The following ATP11B variants were observed in gnomAD, a reference collection of about 807,000 sequenced individuals.
ATP11B encodes the protein phospholipid-transporting ATPase IF.
In ATP11B, 81 loss-of-function variants were observed where a neutral mutation model predicts 157.8. The ratio of observed to expected loss-of-function variants is 0.51; its 90% CI spans 0.43 to 0.62. The LOEUF (loss-of-function observed/expected upper bound fraction) is 0.62, where lower values mean the gene tolerates loss of function less well. Among genes scored for constraint, ATP11B ranks in the 20% least tolerant of loss-of-function variants. ATP11B has a pLI of 0.00. For synonymous variants in ATP11B, 451 were observed against 469.4 expected (o/e 0.96, Z 0.51); for missense variants, 1,165 against 1,402.2 (o/e 0.83, Z 2.70).
rs11925959 is a variant in ATP11B, at chr3:182,914,004, C to A, written c.3452+10C>A. 402,046 of 1,613,454 alleles carry A rather than the reference C, an allele frequency of 0.25. 53,964 individuals are homozygous for A. The highest frequency in any genetic ancestry group is 0.56 in the East Asian group (25,194 of 44,846). On this transcript the variant is annotated intron_variant, in intron 29 of 29. Transcript: ENST00000323116. ...CAACCCACATCAGCAGGTGTGAAAT[C>A]TCTCTAAGTAGCCTTTGCTGCAGAT...
At chr3:182,871,884 C>T (rs1375553661) in intron 17 of ATP11B, among the ~76,000 whole-genome samples, 6 of 151,110 alleles carry the variant, frequency 4.0e-5, no homozygotes, top group African/African-American at 1.2e-4. Context: ...GATGCTATTT[C>T]GGCTCACTGC....
chr3:182,827,882 T>C (rs575316643), intron 2 of ATP11B, among the ~76,000 whole-genome samples: 1 of 152,040 alleles, frequency 6.6e-6, no homozygotes, highest in Admixed American at 6.6e-5. Flanking sequence ...TTGTTGGGTT[T>C]CAGCTTATTC....
intron 29 of ATP11B, 92 bp from the exon 30 acceptor site, chr3:182,917,931 T>C: frequency 6.6e-7 from 1 of 1,514,492 alleles, no homozygotes; most frequent in Admixed American, 2.0e-5. Context: ...CAATCAGTGA[T>C]TGCATTTGGG....
intron 11 of ATP11B, among the ~76,000 whole-genome samples, chr3:182,858,617 A>G (rs940090276): frequency 5.9e-5 from 9 of 152,202 alleles, no homozygotes; most frequent in South Asian, 2.1e-4. Context: ...TATTTTTAAT[A>G]TCATTCACAA....
chr3:182,819,214 G>A (rs563935703), intron 1 of ATP11B, among the ~76,000 whole-genome samples: 91 of 151,598 alleles, frequency 6.0e-4, no homozygotes, highest in Middle Eastern at 6.8e-3. Context: ...GACTACAGGC[G>A]CCCGCCACCA....
intron 29 of ATP11B, chr3:182,916,620 T>C: frequency 1.0e-6 from 1 of 984,698 alleles, no homozygotes. Context: ...TGTATCCTCA[T>C]CAAAACTATC....
chr3:182,824,082 C>T (rs1255776974), intron 2 of ATP11B, among the ~76,000 whole-genome samples: 1 of 152,130 alleles, frequency 6.6e-6, no homozygotes, highest in Non-Finnish European at 1.5e-5. Flanking sequence ...TAATACAACA[C>T]AAGTCTTTTG....
chr3:182,881,566 A>G (rs1186946546), intron 21 of ATP11B, among the ~76,000 whole-genome samples: 1 of 152,122 alleles, frequency 6.6e-6, no homozygotes, highest in East Asian at 1.9e-4. Context: ...ACTTCCTATA[A>G]TTAAGCCCAC....
chr3:182,914,260 G>A, intron 29 of ATP11B: 2 of 1,227,856 alleles, frequency 1.6e-6, no homozygotes, highest in Non-Finnish European at 1.0e-6. Flanking sequence ...TTTCTAAAAT[G>A]TGCTCAGTAG....
intron 25 of ATP11B, among the ~76,000 whole-genome samples, chr3:182,893,216 G>A (rs1411113675): frequency 6.6e-6 from 1 of 151,882 alleles, no homozygotes; most frequent in Non-Finnish European, 1.5e-5. Flanking sequence ...TTATTTTCTT[G>A]TTTAGTTTTT....
intron 28 of ATP11B, among the ~76,000 whole-genome samples, chr3:182,905,178 T>C (rs1008285802): frequency 6.6e-6 from 1 of 152,194 alleles, no homozygotes; most frequent in African/African-American, 2.4e-5. Flanking sequence ...TTTTATTCAT[T>C]AAGGACATTG....
chr3:182,917,570 A>C, intron 29 of ATP11B: 2 of 985,320 alleles, frequency 2.0e-6, no homozygotes, highest in South Asian at 9.4e-5. Context: ...AGTCTTTAGA[A>C]TAGGATTTAT....
intron 27 of ATP11B, among the ~76,000 whole-genome samples, chr3:182,898,377 G>A (rs1260661209): frequency 6.6e-6 from 1 of 151,826 alleles, no homozygotes; most frequent in Non-Finnish European, 1.5e-5. Flanking sequence ...ACTAAGATAG[G>A]GTTATCTGGT....
intron 10 of ATP11B, among the ~76,000 whole-genome samples, chr3:182,854,889 T>C (rs1720261973): frequency 1.3e-5 from 2 of 151,900 alleles, no homozygotes; most frequent in Non-Finnish European, 2.9e-5. Context: ...TCTTTTCAGC[T>C]GAAAATTACA....
chr3:182,868,271 C>G (rs553765123), intron 15 of ATP11B, among the ~76,000 whole-genome samples: 114 of 150,570 alleles, frequency 7.6e-4, no homozygotes, highest in African/African-American at 2.6e-3. Context: ...AATATACTTA[C>G]TCCTTTCATG....
chr3:182,902,546 G>T (rs891251296), intron 28 of ATP11B: 54 of 1,289,352 alleles, frequency 4.2e-5, no homozygotes, highest in Non-Finnish European at 5.5e-5. Flanking sequence ...CGAGGGCAAG[G>T]AATCAGCTGA....
intron 1 of ATP11B, among the ~76,000 whole-genome samples, chr3:182,801,696 A>G (rs1716024379): frequency 6.6e-6 from 1 of 152,178 alleles, no homozygotes; most frequent in African/African-American, 2.4e-5. Context: ...TTCTGTATTT[A>G]TCTCCAAAAT....
intron 22 of ATP11B, 133 bp from the exon 23 acceptor site, chr3:182,885,818 C>T (rs1430507695): frequency 1.9e-6 from 1 of 525,504 alleles, no homozygotes; most frequent in Non-Finnish European, 3.3e-6. Flanking sequence ...TATATATGGA[C>T]AAGTCCTTAT....
In ATP11B at chr3:182,859,278, C is replaced by T; in HGVS notation, c.1119C>T (p.Gly373=). The change falls in exon 12 of 30, where the codon GGC becomes GGT. Residue 373 remains glycine (G), a synonymous_variant. Transcript: ENST00000323116. ...MQKFLGSFFI[G]WDLDLYHEES... is the part of the protein sequence containing the mutation. Reference sequence around the variant, plus strand: ...AATTTCTTGGATCATTTTTTATTGGCTGGGATCTTGATCTGTATCATGAAG... The same window carrying T: ...AATTTCTTGGATCATTTTTTATTGGTTGGGATCTTGATCTGTATCATGAAG... The T allele has an allele frequency of 1.2e-6, 2 of 1,611,702 alleles. No homozygotes were observed. Among genetic ancestry groups the T allele is most frequent in the Non-Finnish European group, 1.7e-6 (2 of 1,178,738 alleles).
Sources: gnomAD v4.1 joint callset for allele counts (sites outside exome capture counted in the v4.1 genomes callset) on GRCh38, gnomAD v4.1.1 for gene constraint, MANE v1.5 for transcripts, NCBI Gene and HGNC (gene_info 2026-07-23, HGNC 2026-07-21) for gene names.